ANKRD30B: variants seen among roughly 807,000 people sequenced by gnomAD.
The protein encoded by ANKRD30B is ankyrin repeat domain 30B.
In ANKRD30B, 144 loss-of-function variants were observed where a neutral mutation model predicts 202.2. That is an observed-to-expected ratio of 0.71 (90% CI 0.62 to 0.82). The LOEUF (loss-of-function observed/expected upper bound fraction) is 0.82. ANKRD30B is among the 40% of genes least tolerant of loss of function. The probability of loss-of-function intolerance (pLI) is 0.00; values close to 1 mark genes in which losing one functional copy is unlikely to be tolerated. For missense variants in ANKRD30B, 1,487 were observed against 1,669.1 expected, an observed-to-expected ratio of 0.89 and a Z score of 1.90; for synonymous variants, 508 against 561.3, an observed-to-expected ratio of 0.91 and a Z score of 1.34.
At chr18:14,833,264 T>C (rs1971032422) in intron 34 of ANKRD30B, among the ~76,000 whole-genome samples, 1 of 152,052 alleles carries the variant, frequency 6.6e-6, no homozygotes, top group Non-Finnish European at 1.5e-5. Context: ...TTTTTCTTTT[T>C]TGAGACGGAG....
chr18:14,819,036 T>A (rs1339671435), intron 30 of ANKRD30B, among the ~76,000 whole-genome samples: 1 of 152,208 alleles, frequency 6.6e-6, no homozygotes, highest in Non-Finnish European at 1.5e-5. Context: ...GTTTTCTGAC[T>A]TTTTAATGAT....
chr18:14,797,306 C>T lies in ANKRD30B; in HGVS notation c.1928-355C>T, dbSNP rs148182378. ...TTCTGGGACAGGAATCTTGGTGACG[C>T]GAAACCTCCCTGACTGCACATCCAT... On this transcript the variant is annotated intron_variant, in intron 18 of 43. Coordinates refer to ENST00000690538, the MANE Select transcript of ANKRD30B (RefSeq NM_001367607.2). 3.6e-3 allele frequency among the ~76,000 whole-genome samples: 544 copies of T among 152,226 alleles called. 5 individuals carry two copies. The highest frequency in any genetic ancestry group is 0.011 in the African/African-American group (470 of 41,534).
At chr18:14,935,404 C>A in the ANKRD30B span, among the ~76,000 whole-genome samples, 2 of 152,228 alleles carry the variant, frequency 1.3e-5, no homozygotes, top group South Asian at 4.1e-4. Context: ...CCACAGACTA[C>A]TCCCTGGCCC....
At chr18:14,790,999 C>T (rs1299819996) in intron 15 of ANKRD30B, among the ~76,000 whole-genome samples, 3 of 152,212 alleles carry the variant, frequency 2.0e-5, no homozygotes, top group Non-Finnish European at 4.4e-5. Context: ...TGGAAGAATT[C>T]GGCTGTAAAT....
intron 30 of ANKRD30B, among the ~76,000 whole-genome samples, chr18:14,817,957 T>C (rs1970204544): frequency 6.6e-6 from 1 of 152,196 alleles, no homozygotes; most frequent in Non-Finnish European, 1.5e-5. Context: ...AGAGAGTTTA[T>C]ATCCCTGAAG....
At chr18:14,917,527 C>T in the ANKRD30B span, among the ~76,000 whole-genome samples, 1 of 152,332 alleles carries the variant, frequency 6.6e-6, no homozygotes, top group East Asian at 1.9e-4. Flanking sequence ...TTAGGCAGGT[C>T]CTCAAGGAGT....
intron 5 of ANKRD30B, among the ~76,000 whole-genome samples, chr18:14,758,173 C>A (rs747390440): frequency 6.6e-6 from 1 of 152,138 alleles, no homozygotes; most frequent in Non-Finnish European, 1.5e-5. Context: ...AACCCCTAGG[C>A]TCGGGATAAA....
At chr18:14,877,655 A>C in the ANKRD30B span, 1 of 151,926 alleles carries the variant, frequency 6.6e-6, no homozygotes, top group Non-Finnish European at 1.5e-5. Flanking sequence ...TGAGGCTCAG[A>C]GGTGTCAGGT....
Position 14,748,332 on chromosome 18 carries a change from A to C in ANKRD30B, c.-88A>C. The C allele has an allele frequency of 5.3e-6, 6 of 1,136,100 alleles. No homozygotes were observed. Among genetic ancestry groups the C allele is most frequent in the Non-Finnish European group, 7.1e-6 (6 of 842,294 alleles). The allele number at this position is 1,136,100 out of a possible 1,614,324, so 70.4% of individuals were successfully genotyped here. A position where few individuals can be genotyped will look rare whatever the true frequency, so the allele number is the denominator to read the frequency against. On this transcript the variant is annotated 5_prime_UTR_variant, in exon 1 of 44. Coordinates refer to ENST00000690538, the MANE Select transcript of ANKRD30B (RefSeq NM_001367607.2). Reference sequence around the variant, plus strand: ...TGCGAGCCGGGGGCGGGTGCTGGGGAAGGGTAAGCGGGAAGCGAGGGCGAG... The same window carrying C: ...TGCGAGCCGGGGGCGGGTGCTGGGGCAGGGTAAGCGGGAAGCGAGGGCGAG...
chr18:14,773,147 A>G (rs989909532), intron 9 of ANKRD30B, among the ~76,000 whole-genome samples: 3 of 152,196 alleles, frequency 2.0e-5, no homozygotes, highest in Admixed American at 1.3e-4. Context: ...AGCATATAGT[A>G]AGATTTTAAT....
chr18:14,769,210 G>A (rs1916715268), intron 7 of ANKRD30B, 133 bp from the exon 8 acceptor site: 2 of 613,140 alleles, frequency 3.3e-6, no homozygotes, highest in African/African-American at 1.9e-5. Context: ...CTCCTCAGGC[G>A]ATCCTCCTGC....
At chr18:14,870,178 A>G in the ANKRD30B span, among the ~76,000 whole-genome samples, 1 of 152,196 alleles carries the variant, frequency 6.6e-6, no homozygotes, top group African/African-American at 2.4e-5. Flanking sequence ...GACCAGGTTG[A>G]AGTGCAGGGG....
chr18:14,918,897 G>A, the ANKRD30B span, among the ~76,000 whole-genome samples: 268 of 152,268 alleles, frequency 1.8e-3, no homozygotes, highest in African/African-American at 6.3e-3. Context: ...GGTTAATGTT[G>A]TTATGAAAAG....
intron 15 of ANKRD30B, among the ~76,000 whole-genome samples, chr18:14,790,292 G>C (rs924734247): frequency 6.6e-6 from 1 of 152,188 alleles, no homozygotes; most frequent in Non-Finnish European, 1.5e-5. Context: ...ATTTTGGGCT[G>C]AGACAATGGG....
At chr18:14,908,517 G>A in the ANKRD30B span, among the ~76,000 whole-genome samples, 1 of 152,182 alleles carries the variant, frequency 6.6e-6, no homozygotes, top group Non-Finnish European at 1.5e-5. Flanking sequence ...GATGTGATCT[G>A]CAGCCACTCT....
chr18:14,831,239 A>T (rs1464022327), intron 33 of ANKRD30B, 144 bp from the exon 34 acceptor site: 2 of 482,486 alleles, frequency 4.1e-6, no homozygotes, highest in African/African-American at 2.1e-5. Context: ...GCCAAGAAAC[A>T]TGATTTAATA....
intron 16 of ANKRD30B, among the ~76,000 whole-genome samples, chr18:14,794,451 T>A (rs1420492613): frequency 6.6e-6 from 1 of 151,776 alleles, no homozygotes; most frequent in Non-Finnish European, 1.5e-5. Flanking sequence ...TACATACTCA[T>A]TTCCTATCTC....
chr18:14,780,312 G>A (rs888686724), intron 11 of ANKRD30B, among the ~76,000 whole-genome samples: 74 of 152,048 alleles, frequency 4.9e-4, no homozygotes, highest in Non-Finnish European at 1.0e-3. Flanking sequence ...GGATGTGGTG[G>A]TGCACACCTG....
At chr18:14,831,831 A>G (rs1216232065) in intron 34 of ANKRD30B, among the ~76,000 whole-genome samples, 2 of 152,204 alleles carry the variant, frequency 1.3e-5, no homozygotes, top group Non-Finnish European at 2.9e-5. Flanking sequence ...TGTGACTTTT[A>G]AAATTATTCT....
Sources: gnomAD v4.1 joint callset for allele counts (sites outside exome capture counted in the v4.1 genomes callset) on GRCh38, gnomAD v4.1.1 for gene constraint, MANE v1.5 for transcripts, NCBI Gene and HGNC (gene_info 2026-07-23, HGNC 2026-07-21) for gene names.